Variants in CCDC85A observed in about 807,000 individuals in gnomAD.
CCDC85A encodes coiled-coil domain containing 85A, also known as coiled-coil domain-containing protein 85A.
A neutral mutation model predicts 50.2 loss-of-function variants in CCDC85A; 38 were observed. That is an observed-to-expected ratio of 0.76 (90% CI 0.58 to 0.99). The LOEUF (loss-of-function observed/expected upper bound fraction) is 0.99, where lower values mean the gene tolerates loss of function less well. CCDC85A is among the 50% of genes least tolerant of loss of function. The pLI is 0.00. For synonymous variants in CCDC85A, 366 were observed against 301.4 expected, an observed-to-expected ratio of 1.21 and a Z score of -2.22; for missense variants, 820 against 742.0, an observed-to-expected ratio of 1.11 and a Z score of -1.22.
In CCDC85A at chr2:56,184,104, C is replaced by T; in HGVS notation, c.-521C>T. On this transcript the variant is annotated 5_prime_UTR_variant, in exon 1 of 6. Transcript: ENST00000407595. ...AGCCTTCGGGCAGCCGCGGCGGCGT[C>T]GCTAGAGCAGCCGGGGAGGCGCCGC... The T allele has an allele frequency of 1.0e-6, 1 of 975,534 alleles. No individual in the cohort carries two copies. Among genetic ancestry groups the T allele is most frequent in the African/African-American group, 1.7e-5 (1 of 57,206 alleles). 60.4% of individuals were successfully genotyped at this position (975,534 alleles called of 1,614,324 possible).
At chr2:56,251,137 C>G (rs1342616879) in intron 2 of CCDC85A, among the ~76,000 whole-genome samples, 2 of 152,156 alleles carry the variant, frequency 1.3e-5, no homozygotes, top group Admixed American at 6.5e-5. Flanking sequence ...ATAAATAGTA[C>G]TGCAACAATG....
At chr2:56,324,133 G>C (rs1673352591) in intron 2 of CCDC85A, among the ~76,000 whole-genome samples, 1 of 152,084 alleles carries the variant, frequency 6.6e-6, no homozygotes, top group African/African-American at 2.4e-5. Flanking sequence ...TCCTATTCCT[G>C]TGTATAACAT....
At chr2:56,295,120 C>G (rs530136637) in intron 2 of CCDC85A, among the ~76,000 whole-genome samples, 2 of 148,348 alleles carry the variant, frequency 1.3e-5, no homozygotes, top group African/African-American at 5.2e-5. Context: ...CTGAATGGAC[C>G]AGTTGTTTTG....
chr2:56,350,776 T>C (rs897253865), intron 3 of CCDC85A, among the ~76,000 whole-genome samples: 3 of 150,300 alleles, frequency 2.0e-5, no homozygotes, highest in Non-Finnish European at 4.4e-5. Flanking sequence ...TTCTATTGCA[T>C]GGACATAGCA....
At chr2:56,289,887 T>G (rs568915948) in intron 2 of CCDC85A, among the ~76,000 whole-genome samples, 11 of 152,128 alleles carry the variant, frequency 7.2e-5, no homozygotes, top group Non-Finnish European at 1.2e-4. Context: ...TGTCAGATGG[T>G]TTCTATTTTA....
At chr2:56,328,988 C>G (rs1673621322) in intron 2 of CCDC85A, among the ~76,000 whole-genome samples, 1 of 152,132 alleles carries the variant, frequency 6.6e-6, no homozygotes, top group South Asian at 2.1e-4. Flanking sequence ...TCCGCCCTTC[C>G]TCAGTGGGCT....
At position 56,375,741 on chromosome 2, in the gene CCDC85A, T is replaced by C. The variant is rs1676301818; in HGVS notation, c.1453-75T>C. The C allele has an allele frequency of 1.0e-5, 15 of 1,466,666 alleles. No homozygotes were observed. The South Asian group carries it at 1.3e-4, about 13-fold the overall frequency. The allele number at this position is 1,466,666 out of a possible 1,614,324, so 90.9% of individuals were successfully genotyped here. A position where few individuals can be genotyped will look rare whatever the true frequency, so the allele number is the denominator to read the frequency against. ...GGCTAATTCTCATTTGGTAGTGAAA[T>C]TGAATATTGAATGACATCTTTGTAG... On this transcript the variant is annotated intron_variant, in intron 4 of 5. Transcript: ENST00000407595.
intron 2 of CCDC85A, among the ~76,000 whole-genome samples, chr2:56,298,413 G>A (rs760288538): frequency 6.6e-5 from 10 of 152,096 alleles, no homozygotes; most frequent in African/African-American, 1.4e-4. Context: ...TATAGGCTGC[G>A]TTTGGAAAAA....
chr2:56,276,597 G>A (rs565883931), intron 2 of CCDC85A, among the ~76,000 whole-genome samples: 2 of 152,242 alleles, frequency 1.3e-5, no homozygotes, highest in South Asian at 4.2e-4. Flanking sequence ...CACGTGAGAT[G>A]TGCCTTTCAC....
At chr2:56,277,739 T>C (rs1431120743) in intron 2 of CCDC85A, among the ~76,000 whole-genome samples, 5 of 152,230 alleles carry the variant, frequency 3.3e-5, no homozygotes, top group Admixed American at 3.3e-4. Flanking sequence ...GACGAGACTG[T>C]AGCCCTTAGG....
intron 2 of CCDC85A, among the ~76,000 whole-genome samples, chr2:56,242,828 A>G (rs539012704): frequency 2.6e-5 from 4 of 152,168 alleles, no homozygotes; most frequent in African/African-American, 9.6e-5. Context: ...ATTTGTCAAG[A>G]AATTTTTGCC....
intron 2 of CCDC85A, among the ~76,000 whole-genome samples, chr2:56,232,684 G>A (rs887652906): frequency 2.0e-5 from 3 of 152,108 alleles, no homozygotes; most frequent in African/African-American, 7.2e-5. Context: ...AAATTACCCA[G>A]TCTCTGGTAT....
intron 2 of CCDC85A, among the ~76,000 whole-genome samples, chr2:56,297,944 A>G (rs956857703): frequency 6.6e-6 from 1 of 152,162 alleles, no homozygotes; most frequent in Non-Finnish European, 1.5e-5. Context: ...TTGAGACACC[A>G]TGATCTGCCA....
intron 3 of CCDC85A, 72 bp downstream of exon 3, chr2:56,343,027 G>T: frequency 1.9e-6 from 2 of 1,038,960 alleles, no homozygotes; most frequent in Non-Finnish European, 2.9e-6. Context: ...GAATTTAAAA[G>T]CTCAATGACG....
intron 2 of CCDC85A, among the ~76,000 whole-genome samples, chr2:56,208,729 A>G (rs948941267): frequency 6.6e-6 from 1 of 152,094 alleles, no homozygotes; most frequent in Non-Finnish European, 1.5e-5. Flanking sequence ...CTCACCCAAC[A>G]CATATGATAA....
chr2:56,380,069 G>A (rs769124930), intron 5 of CCDC85A, among the ~76,000 whole-genome samples: 15 of 152,042 alleles, frequency 9.9e-5, no homozygotes, highest in Non-Finnish European at 2.2e-4. Context: ...AGCCAATTCT[G>A]TATTCCAGAA....
intron 5 of CCDC85A, chr2:56,383,712 A>C: frequency 1.0e-6 from 1 of 985,142 alleles, no homozygotes. Flanking sequence ...TAGTGGCCCT[A>C]AGACTACCAC....
intron 2 of CCDC85A, among the ~76,000 whole-genome samples, chr2:56,330,739 CTCTT>C (rs1395885896): frequency 6.6e-6 from 1 of 152,164 alleles, no homozygotes; most frequent in East Asian, 1.9e-4. Context: ...ATTTGAAAAA[CTCTT>C]TCCTTTGGGA....
At chr2:56,211,359 A>G (rs574357484) in intron 2 of CCDC85A, among the ~76,000 whole-genome samples, 2 of 151,964 alleles carry the variant, frequency 1.3e-5, no homozygotes, top group African/African-American at 4.8e-5. Context: ...CTATTCATAT[A>G]TTTATTTCTT....
Sources: allele counts gnomAD v4.1 joint callset (sites outside exome capture counted in the v4.1 genomes callset), GRCh38; gene constraint gnomAD v4.1.1; transcripts MANE v1.5; gene names NCBI Gene and HGNC (gene_info 2026-07-23, HGNC 2026-07-21).